The following MCM9 variants were observed in gnomAD, a reference collection of about 807,000 sequenced individuals.
MCM9 encodes minichromosome maintenance 9 homologous recombination repair factor.
MCM9 carries 55 observed loss-of-function variants against 72.8 expected under a neutral mutation model. The ratio of observed to expected loss-of-function variants is 0.76; its 90% CI spans 0.61 to 0.95. The LOEUF is 0.95. Among genes scored for constraint, MCM9 ranks in the 40% least tolerant of loss-of-function variants. MCM9 has a pLI of 0.00. For synonymous variants in MCM9, 480 were observed against 503.4 expected, an observed-to-expected ratio of 0.95 and a Z score of 0.62; for missense variants, 1,279 against 1,377.0, an observed-to-expected ratio of 0.93 and a Z score of 1.13.
In MCM9 at chr6:118,894,313, G is replaced by A. The variant is rs1207740428; in HGVS notation, c.1150+17337C>T. 5.5e-5 allele frequency: 83 copies of A among 1,500,488 alleles called. 2 individuals carry two copies. In the South Asian group the frequency reaches 9.2e-4, roughly 17 times the overall value. 92.9% of individuals were successfully genotyped at this position (1,500,488 alleles called of 1,614,324 possible). ...AGTCGCCGCTGCACGACGTCTGGCC[G>A]GCGCTGGAGCGGGGGTCTGCGCTCT... On this transcript the variant is annotated intron_variant, in intron 8 of 13. Transcript: ENST00000619706.
chr6:118,900,261 T>C (rs1309581136), intron 8 of MCM9, among the ~76,000 whole-genome samples: 1 of 152,198 alleles, frequency 6.6e-6, no homozygotes, highest in East Asian at 1.9e-4. Flanking sequence ...GTTTTACTAA[T>C]AATTTTTCTA....
chr6:118,826,420 A>G (rs1774171880), intron 12 of MCM9, 128 bp from the exon 13 acceptor site: 1 of 944,700 alleles, frequency 1.1e-6, no homozygotes, highest in Non-Finnish European at 1.5e-6. Flanking sequence ...TATGAAAATC[A>G]CTTGGGAGGC....
intron 8 of MCM9, among the ~76,000 whole-genome samples, chr6:118,883,369 A>G (rs1778415490): frequency 6.6e-6 from 1 of 151,968 alleles, no homozygotes; most frequent in African/African-American, 2.4e-5. Context: ...AATAATATAT[A>G]TATATTGGGA....
In MCM9 at chr6:118,814,916, T is replaced by C; in HGVS notation, c.3340A>G (p.Ile1114Val). The change falls in exon 14 of 14, where the codon ATT becomes GTT. Residue 1114 changes from isoleucine to valine, a missense_variant. Physicochemically the swap from Ile to Val is conservative, Grantham distance 29. Transcript: ENST00000619706. ...FQLRGSTEKL[I>V]VSKESLFTLP... ...GTGAAGAGGGATTCTTTGGAAACAA[T>C]CAGTTTCTCGGTGGACCCACGGAGC... 1 of 1,549,974 alleles carries C rather than the reference T, an allele frequency of 6.5e-7. No individual in the cohort carries two copies. Among genetic ancestry groups the C allele is most frequent in the Non-Finnish European group, 8.7e-7 (1 of 1,146,742 alleles).
At chr6:118,847,496 T>C (rs770155593) in intron 9 of MCM9, among the ~76,000 whole-genome samples, 7 of 138,668 alleles carry the variant, frequency 5.0e-5, no homozygotes, top group Non-Finnish European at 9.3e-5. Context: ...ACTGAAAATA[T>C]AATAAAGGGT....
chr6:118,921,080 C>G (rs1295021977), intron 5 of MCM9: 1 of 152,188 alleles, frequency 6.6e-6, no homozygotes, highest in Non-Finnish European at 1.5e-5. Context: ...TCTCAGATTT[C>G]CAGAACAGTT....
chr6:118,828,667 G>A (rs1293035943), intron 10 of MCM9, among the ~76,000 whole-genome samples: 1 of 152,196 alleles, frequency 6.6e-6, no homozygotes, highest in Non-Finnish European at 1.5e-5. Flanking sequence ...TTACAGGCGT[G>A]AGCCACCACG....
At chr6:118,889,033 A>G (rs937145574) in intron 8 of MCM9, among the ~76,000 whole-genome samples, 1 of 152,114 alleles carries the variant, frequency 6.6e-6, no homozygotes, top group African/African-American at 2.4e-5. Context: ...TATTCTAAAA[A>G]CTATTGACTC....
At chr6:118,867,774 T>C (rs74185950) in intron 8 of MCM9, among the ~76,000 whole-genome samples, 110,813 of 151,964 alleles carry the variant, frequency 0.73, 41,445 homozygotes, top group South Asian at 0.83. Flanking sequence ...TTTCTCAGAA[T>C]GTATCCCCAT....
intron 13 of MCM9, among the ~76,000 whole-genome samples, chr6:118,817,380 C>T (rs1417442006): frequency 2.0e-5 from 3 of 151,540 alleles, no homozygotes; most frequent in Non-Finnish European, 2.9e-5. Context: ...TGAGTGAGAA[C>T]ATGTGGTGTT....
At chr6:118,924,939 T>C (rs944475224) in intron 3 of MCM9, among the ~76,000 whole-genome samples, 3 of 151,582 alleles carry the variant, frequency 2.0e-5, no homozygotes, top group Admixed American at 6.6e-5. Context: ...AGCAACTCGG[T>C]AGGGCTGAAG....
chr6:118,845,569 G>A (rs893323058), intron 9 of MCM9, among the ~76,000 whole-genome samples: 5 of 151,744 alleles, frequency 3.3e-5, no homozygotes, highest in African/African-American at 1.2e-4. Context: ...CAATTCCACT[G>A]GAGAAGAGGG....
chr6:118,923,285 AT>A lies in MCM9; in HGVS notation c.621+525del, dbSNP rs551029225. ...TCCATATCTTGTTCACTCCAATGTGATTTTTTTTTTTTTTCAGAGACAGGGT... is the reference window on the plus strand; with the variant it reads ...TCCATATCTTGTTCACTCCAATGTGATTTTTTTTTTTTTCAGAGACAGGGT... On this transcript the variant is annotated intron_variant, in intron 4 of 13. Coordinates refer to ENST00000619706, the MANE Select transcript of MCM9 (RefSeq NM_017696.3). Among the ~76,000 whole-genome samples the A allele has an allele frequency of 1.0e-3, 147 of 144,842 alleles. 1 individual carries two copies. The highest frequency in any genetic ancestry group is 2.4e-3 in the East Asian group (12 of 4,946).
chr6:118,929,335 C>A (rs940817522), intron 3 of MCM9, among the ~76,000 whole-genome samples: 3 of 152,308 alleles, frequency 2.0e-5, no homozygotes, highest in Admixed American at 2.0e-4. Context: ...GGCATGCATA[C>A]ACCATCTGGT....
chr6:118,889,811 A>T (rs1778830245), intron 8 of MCM9, among the ~76,000 whole-genome samples: 1 of 152,242 alleles, frequency 6.6e-6, no homozygotes. Flanking sequence ...GCTATGCAAA[A>T]GGTGTTTTAC....
rs1197983220 is a variant in MCM9 at position 118,856,605 on chromosome 6, G to A, written c.1151-60C>T. ...TTCAAAAGCATTATCTTGACTGGGC[G>A]CAGTGGCTCACACCTGTAATTCCAG... On this transcript the variant is annotated intron_variant, in intron 8 of 13. Coordinates refer to ENST00000619706, the MANE Select transcript of MCM9 (RefSeq NM_017696.3). The A allele has an allele frequency of 5.3e-5, 80 of 1,504,438 alleles. No individual in the cohort carries two copies. In the South Asian group the frequency reaches 6.0e-4, roughly 11 times the overall value. 93.2% of individuals were successfully genotyped at this position (1,504,438 alleles called of 1,614,324 possible).
chr6:118,885,877 A>C (rs1399502824), intron 8 of MCM9, among the ~76,000 whole-genome samples: 2 of 152,200 alleles, frequency 1.3e-5, no homozygotes, highest in African/African-American at 4.8e-5. Flanking sequence ...ACTAAAGATC[A>C]ATATCACTTA....
At chr6:118,830,993 G>A (rs1467220367) in intron 9 of MCM9, among the ~76,000 whole-genome samples, 3 of 152,206 alleles carry the variant, frequency 2.0e-5, no homozygotes, top group Non-Finnish European at 4.4e-5. Flanking sequence ...GAGATCTATA[G>A]GGGATATAAT....
intron 8 of MCM9, among the ~76,000 whole-genome samples, chr6:118,881,579 A>G (rs1778290890): frequency 6.6e-6 from 1 of 152,236 alleles, no homozygotes; most frequent in Admixed American, 6.5e-5. Context: ...AGAAATTACT[A>G]GCAAACCAGG....
Sources: gnomAD v4.1 joint callset for allele counts (sites outside exome capture counted in the v4.1 genomes callset) on GRCh38, gnomAD v4.1.1 for gene constraint, MANE v1.5 for transcripts, NCBI Gene and HGNC (gene_info 2026-07-23, HGNC 2026-07-21) for gene names.